Variants in PPP2CB observed in about 807,000 individuals in gnomAD.
The protein encoded by PPP2CB is serine/threonine-protein phosphatase 2A catalytic subunit beta isoform.
Under a neutral mutation model 39.1 loss-of-function variants are expected in PPP2CB, and 18 were observed. That is an observed-to-expected ratio of 0.46 (90% confidence interval 0.32 to 0.68). PPP2CB has a LOEUF of 0.68. Ranked by LOEUF, PPP2CB falls within the 30% of genes least tolerant of loss-of-function variation. PPP2CB has a pLI of 0.04. For synonymous variants in PPP2CB, 129 were observed against 133.8 expected, an observed-to-expected ratio of 0.96 and a Z score of 0.25; for missense variants, 226 against 396.9, an observed-to-expected ratio of 0.57 and a Z score of 3.66.
At chr8:30,787,330 G>A (rs1348083164) in intron 6 of PPP2CB, among the ~76,000 whole-genome samples, 1 of 152,124 alleles carries the variant, frequency 6.6e-6, no homozygotes, top group African/African-American at 2.4e-5. Flanking sequence ...TGTTTGTGAA[G>A]GATTGGCATT....
intron 1 of PPP2CB, among the ~76,000 whole-genome samples, chr8:30,800,795 G>A (rs540253829): frequency 6.6e-6 from 1 of 152,168 alleles, no homozygotes; most frequent in Non-Finnish European, 1.5e-5. Flanking sequence ...GCTATTTACC[G>A]AGTTTCCAGG....
intron 6 of PPP2CB, among the ~76,000 whole-genome samples, chr8:30,789,281 C>T (rs762147398): frequency 3.3e-5 from 5 of 152,140 alleles, no homozygotes; most frequent in Non-Finnish European, 5.9e-5. Flanking sequence ...CCGCCCACCT[C>T]GGCTTCCCAA....
intron 1 of PPP2CB, among the ~76,000 whole-genome samples, chr8:30,809,219 A>G (rs1806781846): frequency 6.6e-6 from 1 of 151,876 alleles, no homozygotes; most frequent in South Asian, 2.1e-4. Context: ...CGGCCAATGA[A>G]TATATATCTT....
At chr8:30,794,392 A>G (rs1185968383) in intron 3 of PPP2CB, 111 bp from the exon 4 acceptor site, 13 of 915,250 alleles carry the variant, frequency 1.4e-5, no homozygotes, top group African/African-American at 6.7e-5. Flanking sequence ...ACATTTAAAC[A>G]TATTTTGTCC....
intron 6 of PPP2CB, among the ~76,000 whole-genome samples, chr8:30,790,503 G>A (rs1175240405): frequency 6.6e-6 from 1 of 152,224 alleles, no homozygotes; most frequent in Non-Finnish European, 1.5e-5. Context: ...TAAGTCCTCT[G>A]AGGCAGAGCT....
chr8:30,810,772 T>C (rs979113571), intron 1 of PPP2CB, among the ~76,000 whole-genome samples: 3 of 152,230 alleles, frequency 2.0e-5, no homozygotes, highest in Admixed American at 6.5e-5. Context: ...TGTTAACAAA[T>C]AGTTACTTAA....
At chr8:30,808,250 C>T (rs576634786) in intron 1 of PPP2CB, among the ~76,000 whole-genome samples, 114 of 152,174 alleles carry the variant, frequency 7.5e-4, no homozygotes, top group African/African-American at 2.1e-3. Context: ...AGGCACACAC[C>T]GCCATGCCCG....
At chr8:30,786,364 T>C (rs888523131) in intron 6 of PPP2CB, 57 bp from the exon 7 acceptor site, 6 of 1,381,286 alleles carry the variant, frequency 4.3e-6, no homozygotes, top group Admixed American at 2.1e-5. Flanking sequence ...AGAAAACAAA[T>C]GAATAAAGAA....
Position 30,797,567 on chromosome 8 carries a change from A to C in PPP2CB, c.486+14T>G, listed in dbSNP as rs1563215659. ...ATTTACCTCCTCCCAAGATGTAAGC[A>C]CACATATACATACCTGTCCATCTAC... On this transcript the variant is annotated intron_variant, in intron 3 of 6. Coordinates refer to ENST00000221138, the MANE Select transcript of PPP2CB (RefSeq NM_001009552.2). The C allele has an allele frequency of 3.2e-6, 5 of 1,585,772 alleles. No individual in the cohort carries two copies. Among genetic ancestry groups the C allele is most frequent in the Middle Eastern group, 1.7e-4 (1 of 5,986 alleles).
Position 30,806,129 on chromosome 8 carries a change from G to T in PPP2CB, c.102+6191C>A, listed in dbSNP as rs189667742. Reference sequence around the variant, plus strand: ...GTGGCGCGATCTCGGCTCACTGCAAGCTCTGCCTCCTGGGTTCACGCCATC... The same window carrying T: ...GTGGCGCGATCTCGGCTCACTGCAATCTCTGCCTCCTGGGTTCACGCCATC... On this transcript the variant is annotated intron_variant, in intron 1 of 6. Coordinates refer to ENST00000221138, the MANE Select transcript of PPP2CB (RefSeq NM_001009552.2). Among the ~76,000 whole-genome samples, 102 of 150,048 alleles carry T rather than the reference G, an allele frequency of 6.8e-4. 1 individual carries two copies. Among genetic ancestry groups the T allele is most frequent in the Non-Finnish European group, 1.8e-4 (12 of 67,756 alleles).
intron 2 of PPP2CB, among the ~76,000 whole-genome samples, chr8:30,798,176 T>G (rs1227395649): frequency 6.6e-6 from 1 of 152,202 alleles, no homozygotes; most frequent in Non-Finnish European, 1.5e-5. Context: ...ACTTCTTCCC[T>G]TTTCAATTTT....
At chr8:30,807,398 C>T (rs969681727) in intron 1 of PPP2CB, among the ~76,000 whole-genome samples, 2 of 152,192 alleles carry the variant, frequency 1.3e-5, no homozygotes, top group Admixed American at 6.5e-5. Flanking sequence ...CAGGAACAAG[C>T]ATACTATTTC....
intron 3 of PPP2CB, among the ~76,000 whole-genome samples, chr8:30,795,566 G>A (rs558142770): frequency 2.5e-4 from 38 of 152,102 alleles, no homozygotes; most frequent in Middle Eastern, 3.4e-3. Flanking sequence ...TTTTCTGTGC[G>A]TGCCACGTCT....
chr8:30,810,671 T>A (rs910068539), intron 1 of PPP2CB, among the ~76,000 whole-genome samples: 2 of 152,224 alleles, frequency 1.3e-5, no homozygotes, highest in African/African-American at 4.8e-5. Context: ...TAAAAATGAA[T>A]GTCAACTGAA....
chr8:30,787,159 T>A (rs113783998), intron 6 of PPP2CB, among the ~76,000 whole-genome samples: 7 of 152,338 alleles, frequency 4.6e-5, no homozygotes, highest in African/African-American at 1.7e-4. Flanking sequence ...TTTTTACATA[T>A]TGCTAGATCC....
At chr8:30,791,379 A>T (rs930518861) in intron 5 of PPP2CB, 64 bp from the exon 6 acceptor site, 118 of 1,211,486 alleles carry the variant, frequency 9.7e-5, no homozygotes, top group East Asian at 2.2e-4. Flanking sequence ...AGACACATTT[A>T]AAAAAAACTA....
chr8:30,790,817 T>C (rs574295090), intron 6 of PPP2CB, among the ~76,000 whole-genome samples: 1 of 152,222 alleles, frequency 6.6e-6, no homozygotes, highest in Admixed American at 6.5e-5. Flanking sequence ...TGGGAGCTGA[T>C]GAAGAGGGGG....
chr8:30,798,560 G>A (rs952763073), intron 2 of PPP2CB, among the ~76,000 whole-genome samples: 3 of 152,188 alleles, frequency 2.0e-5, no homozygotes, highest in Admixed American at 2.0e-4. Context: ...CAGCCTTTGT[G>A]TGCAGTAGGC....
chr8:30,801,291 G>A (rs1471185086), intron 1 of PPP2CB, among the ~76,000 whole-genome samples: 3 of 152,114 alleles, frequency 2.0e-5, no homozygotes, highest in Non-Finnish European at 4.4e-5. Context: ...CCAGCACTTT[G>A]GGAGGCTGAG....
Sources: allele counts gnomAD v4.1 joint callset (sites outside exome capture counted in the v4.1 genomes callset), GRCh38; gene constraint gnomAD v4.1.1; transcripts MANE v1.5; gene names NCBI Gene and HGNC (gene_info 2026-07-23, HGNC 2026-07-21).